The following CACNA1E variants were observed in gnomAD, a reference collection of about 807,000 sequenced individuals.
The protein encoded by CACNA1E is calcium voltage-gated channel subunit alpha1 E, also known as voltage-dependent R-type calcium channel subunit alpha-1E.
In CACNA1E, 40 loss-of-function variants were observed where a neutral mutation model predicts 259.2. The ratio of observed to expected loss-of-function variants is 0.15; its 90% CI spans 0.12 to 0.20. CACNA1E has a LOEUF of 0.20. Ranked by LOEUF, CACNA1E falls within the 10% of genes least tolerant of loss-of-function variation. CACNA1E has a pLI of 1.00. For missense variants in CACNA1E, 1,874 were observed against 3,040.1 expected, an observed-to-expected ratio of 0.62 and a Z score of 9.02; for synonymous variants, 1,104 against 1,138.5, an observed-to-expected ratio of 0.97 and a Z score of 0.61.
At chr1:181,722,922 C>G (rs1654543008) in intron 16 of CACNA1E, among the ~76,000 whole-genome samples, 1 of 152,158 alleles carries the variant, frequency 6.6e-6, no homozygotes, top group Admixed American at 6.5e-5. Flanking sequence ...ATGGAAGCTC[C>G]ATGTGTCCCA....
intron 1 of CACNA1E, among the ~76,000 whole-genome samples, chr1:181,503,446 C>A (rs940480352): frequency 5.3e-5 from 8 of 152,196 alleles, no homozygotes; most frequent in Admixed American, 1.3e-4. Flanking sequence ...TGTTTGGATG[C>A]GCTTTCCATA....
chr1:181,366,202 G>C (rs1654254647), intron 1 of CACNA1E, among the ~76,000 whole-genome samples: 1 of 152,158 alleles, frequency 6.6e-6, no homozygotes, highest in South Asian at 2.1e-4. Flanking sequence ...AGGGTTGGAG[G>C]AGAGTACTGA....
In CACNA1E at chr1:181,794,993, A is replaced by G. The variant is rs761628462; in HGVS notation, c.6157A>G (p.Ser2053Gly). ...AAATACCTACAAGTCCCGTCGCCGGAGTTACCACTCCTCCTTGCGGCTGTC... is the reference window on the plus strand; with the variant it reads ...AAATACCTACAAGTCCCGTCGCCGGGGTTACCACTCCTCCTTGCGGCTGTC... ...SENTYKSRRR[S>G]YHSSLRLSAH... Residue 2053 changes from serine (S) to glycine (G), a missense_variant, in exon 46 of 48, where the codon AGT (serine) becomes GGT (glycine). Transcript: ENST00000367573. The G allele has an allele frequency of 6.2e-7, 1 of 1,613,880 alleles. No homozygotes were observed. The highest frequency in any genetic ancestry group is 8.5e-7 in the Non-Finnish European group (1 of 1,179,886).
intron 6 of CACNA1E, among the ~76,000 whole-genome samples, chr1:181,641,394 A>T (rs1039809914): frequency 2.0e-5 from 3 of 152,182 alleles, no homozygotes; most frequent in African/African-American, 7.2e-5. Context: ...TTCAGGTCTT[A>T]CCTTGCCTTG....
chr1:181,377,795 A>G (rs147088185), intron 1 of CACNA1E, among the ~76,000 whole-genome samples: 4 of 152,244 alleles, frequency 2.6e-5, no homozygotes, highest in African/African-American at 9.6e-5. Flanking sequence ...TAATGAGGTT[A>G]AATGACTTGC....
At chr1:181,655,211 G>A (rs1235066711) in intron 7 of CACNA1E, among the ~76,000 whole-genome samples, 2 of 152,114 alleles carry the variant, frequency 1.3e-5, no homozygotes, top group East Asian at 3.9e-4. Context: ...TATAAGGTAG[G>A]TATGGAGGTA....
chr1:181,668,296 T>C (rs1648448462), intron 7 of CACNA1E, among the ~76,000 whole-genome samples: 2 of 152,250 alleles, frequency 1.3e-5, no homozygotes, highest in South Asian at 4.1e-4. Flanking sequence ...CCTTGAAGTC[T>C]ATCCAGGTTT....
At chr1:181,542,553 G>T (rs550737042) in intron 3 of CACNA1E, among the ~76,000 whole-genome samples, 1 of 152,016 alleles carries the variant, frequency 6.6e-6, no homozygotes, top group South Asian at 2.1e-4. Context: ...GAGTTCTCAC[G>T]AGATCTGATG....
intron 2 of CACNA1E, among the ~76,000 whole-genome samples, chr1:181,464,325 C>T (rs1228249032): frequency 7.3e-6 from 1 of 137,172 alleles, no homozygotes; most frequent in African/African-American, 3.1e-5. Flanking sequence ...CATATTTAAG[C>T]TACTTCGTTT....
chr1:181,584,696 G>A (rs1241209910), intron 6 of CACNA1E, among the ~76,000 whole-genome samples: 1 of 152,144 alleles, frequency 6.6e-6, no homozygotes, highest in Non-Finnish European at 1.5e-5. Context: ...TCATTTTGTG[G>A]TATCTACAGA....
intron 38 of CACNA1E, among the ~76,000 whole-genome samples, chr1:181,780,121 G>C (rs893979544): frequency 6.6e-6 from 1 of 152,174 alleles, no homozygotes; most frequent in Non-Finnish European, 1.5e-5. Context: ...GGCAAGAGGT[G>C]AGAGTAGGTA....
rs1398901420 is a variant in CACNA1E, at chr1:181,781,467, C to T, written c.5308C>T (p.Leu1770Phe). The T allele has an allele frequency of 1.3e-6, 2 of 1,597,940 alleles. No individual in the cohort carries two copies. The highest frequency in any genetic ancestry group is 2.7e-5 in the African/African-American group (2 of 74,620). Residue 1770 changes from leucine to phenylalanine, a missense_variant, in exon 39 of 48, where the codon CTC (leucine) becomes TTC (phenylalanine). Physicochemically the swap from Leu to Phe is conservative, Grantham distance 22. Coordinates refer to ENST00000367573, the MANE Select transcript of CACNA1E (RefSeq NM_001205293.3). ...CACTGAGATGTATGAAATGCTGACT[C>T]TCATGTCACCTCCGCTAGGCCTCGG... is the stretch of plus-strand genomic sequence containing the variant. ...HYTEMYEMLTLMSPPLGLGKR... is the reference protein window; with the variant it reads ...HYTEMYEMLTFMSPPLGLGKR...
chr1:181,722,623 T>G (rs73043482), intron 16 of CACNA1E, among the ~76,000 whole-genome samples: 2,512 of 152,356 alleles, frequency 0.016, 58 homozygotes, highest in African/African-American at 0.054. Flanking sequence ...TTATCTCCTT[T>G]GTTCGTGGTG....
intron 2 of CACNA1E, among the ~76,000 whole-genome samples, chr1:181,453,503 T>C (rs1227333706): frequency 6.6e-6 from 1 of 152,134 alleles, no homozygotes; most frequent in Non-Finnish European, 1.5e-5. Context: ...TGTGCCTAAG[T>C]AATACAAGGA....
At chr1:181,439,329 T>A (rs572557231) in intron 2 of CACNA1E, among the ~76,000 whole-genome samples, 133 of 101,972 alleles carry the variant, frequency 1.3e-3, no homozygotes, top group Non-Finnish European at 2.0e-3. Context: ...TTTCCCAAAT[T>A]TAGATTTTTT....
chr1:181,741,884 A>G (rs565703610), intron 25 of CACNA1E, among the ~76,000 whole-genome samples: 2 of 152,328 alleles, frequency 1.3e-5, no homozygotes, highest in Admixed American at 1.3e-4. Context: ...TCTGGGGTCC[A>G]CACTTATGTG....
rs1015616255 is a variant in CACNA1E, at chr1:181,799,525, G to A, written c.*691G>A. ...TGAGGGAGACAGAGAAACAGAACTGGTGGTGCTGGGGGGTATAGCCCCCCA... is the reference window on the plus strand; with the variant it reads ...TGAGGGAGACAGAGAAACAGAACTGATGGTGCTGGGGGGTATAGCCCCCCA... On this transcript the variant is annotated 3_prime_UTR_variant, in exon 48 of 48. Transcript: ENST00000367573. 7 of 152,842 alleles carry A rather than the reference G, an allele frequency of 4.6e-5. No homozygotes were observed. Among genetic ancestry groups the A allele is most frequent in the African/African-American group, 1.7e-4 (7 of 41,456 alleles). 9.5% of individuals were successfully genotyped at this position (152,842 alleles called of 1,614,324 possible).
chr1:181,773,982 A>G (rs941823134), intron 37 of CACNA1E, among the ~76,000 whole-genome samples: 1 of 152,220 alleles, frequency 6.6e-6, no homozygotes, highest in African/African-American at 2.4e-5. Flanking sequence ...CAAGTCACAC[A>G]GCTTCTCAAC....
intron 2 of CACNA1E, among the ~76,000 whole-genome samples, chr1:181,468,483 CATTT>C (rs1300896200): frequency 1.3e-5 from 2 of 152,150 alleles, no homozygotes; most frequent in African/African-American, 4.8e-5. Flanking sequence ...AGTTTCCATT[CATTT>C]ATTTATGCAT....
Sources: gnomAD v4.1 joint callset for allele counts (sites outside exome capture counted in the v4.1 genomes callset) on GRCh38, gnomAD v4.1.1 for gene constraint, MANE v1.5 for transcripts, NCBI Gene and HGNC (gene_info 2026-07-23, HGNC 2026-07-21) for gene names.